CDH13: variants seen among roughly 807,000 people sequenced by gnomAD.
CDH13 encodes cadherin-13.
Under a neutral mutation model 63.8 loss-of-function variants are expected in CDH13, and 24 were observed. The observed-to-expected ratio is 0.38, with a 90% CI of 0.27 to 0.53. CDH13 has a LOEUF of 0.53. Ranked by LOEUF, CDH13 falls within the 20% of genes least tolerant of loss-of-function variation. CDH13 has a pLI of 0.85. For missense variants in CDH13, 1,049 were observed against 903.1 expected (o/e 1.16, Z -2.07); for synonymous variants, 503 against 355.3 (o/e 1.42, Z -4.67).
intron 5 of CDH13, among the ~76,000 whole-genome samples, chr16:83,277,385 C>T (rs191789896): frequency 6.6e-6 from 1 of 152,282 alleles, no homozygotes; most frequent in Admixed American, 6.5e-5. Context: ...TACTCCGAAC[C>T]TACTGAATAA....
Position 83,011,777 on chromosome 16 carries a change from C to T in CDH13, c.158-20233C>T, listed in dbSNP as rs7500228. Reference sequence around the variant, plus strand: ...GCTCTTCAGCAATCGCTATTTTACTCTCCCAAACTTCTACAGCCAAACCCA... The same window carrying T: ...GCTCTTCAGCAATCGCTATTTTACTTTCCCAAACTTCTACAGCCAAACCCA... On this transcript the variant is annotated intron_variant, in intron 2 of 13. Coordinates refer to ENST00000567109, the MANE Select transcript of CDH13 (RefSeq NM_001257.5). 4.2e-3 allele frequency among the ~76,000 whole-genome samples: 642 copies of T among 152,314 alleles called. 20 individuals carry two copies. Among genetic ancestry groups the T allele is most frequent in the Admixed American group, 0.039 (602 of 15,298 alleles).
At chr16:83,683,259 T>C (rs139205501) in intron 10 of CDH13, among the ~76,000 whole-genome samples, 3 of 152,368 alleles carry the variant, frequency 2.0e-5, no homozygotes, top group African/African-American at 7.2e-5. Flanking sequence ...TAGTGACAGA[T>C]GAAATTCTTC....
intron 11 of CDH13, among the ~76,000 whole-genome samples, chr16:83,767,919 G>C (rs1914507839): frequency 6.6e-6 from 1 of 152,150 alleles, no homozygotes; most frequent in Admixed American, 6.5e-5. Context: ...AAAGTAGGTA[G>C]TGGTGATGGT....
intron 3 of CDH13, among the ~76,000 whole-genome samples, chr16:83,088,544 T>G (rs1389469673): frequency 6.6e-6 from 1 of 152,210 alleles, no homozygotes; most frequent in Non-Finnish European, 1.5e-5. Flanking sequence ...TGATACAGCC[T>G]TGGGCAAGCT....
At chr16:83,081,719 GAA>G (rs369385485) in intron 3 of CDH13, among the ~76,000 whole-genome samples, 12 of 151,460 alleles carry the variant, frequency 7.9e-5, no homozygotes, top group African/African-American at 1.5e-4. Context: ...GAGAGAGAGA[GAA>G]AGAGCTCGCA....
intron 5 of CDH13, among the ~76,000 whole-genome samples, chr16:83,335,215 G>A (rs1485398001): frequency 6.6e-6 from 1 of 152,128 alleles, no homozygotes; most frequent in Non-Finnish European, 1.5e-5. Flanking sequence ...TGTGGTTCTT[G>A]AGACATACTT....
In CDH13 at chr16:82,835,679, C is replaced by G. The variant is rs370636504; in HGVS notation, c.46-22683C>G. 2.3e-4 allele frequency among the ~76,000 whole-genome samples: 35 copies of G among 152,312 alleles called. No individual in the cohort carries two copies. In the East Asian group the frequency reaches 6.2e-3, roughly 27 times the overall value. On this transcript the variant is annotated intron_variant, in intron 1 of 13. Transcript: ENST00000567109. ...TCCCTCCACAGGCTTGATCAGCGGCCTCCCTGCTCCTGTTCTCTAGATAGA... is the reference window on the plus strand; with the variant it reads ...TCCCTCCACAGGCTTGATCAGCGGCGTCCCTGCTCCTGTTCTCTAGATAGA...
intron 4 of CDH13, among the ~76,000 whole-genome samples, chr16:83,160,895 T>G (rs964407942): frequency 1.3e-5 from 2 of 152,222 alleles, no homozygotes; most frequent in African/African-American, 4.8e-5. Flanking sequence ...TTATGTCTAA[T>G]TCCTCCAGTA....
chr16:83,225,141 C>G (rs1242915984), intron 5 of CDH13, among the ~76,000 whole-genome samples: 7 of 152,124 alleles, frequency 4.6e-5, no homozygotes, highest in African/African-American at 1.4e-4. Context: ...GCCAGCCCAC[C>G]AGGTCATCCT....
At chr16:83,296,220 A>G (rs917643969) in intron 5 of CDH13, among the ~76,000 whole-genome samples, 1 of 152,132 alleles carries the variant, frequency 6.6e-6, no homozygotes, top group Admixed American at 6.6e-5. Context: ...CTCTGTCCTT[A>G]GTTGCTTTTC....
chr16:83,017,951 G>A (rs1262019189), intron 2 of CDH13, among the ~76,000 whole-genome samples: 1 of 152,272 alleles, frequency 6.6e-6, no homozygotes. Context: ...GAATCAAGTA[G>A]GTTGGGAAAC....
In CDH13 at chr16:83,125,443, T is replaced by G. The variant is rs1211827748; in HGVS notation, c.425T>G (p.Val142Gly). The G allele has an allele frequency of 6.2e-7, 1 of 1,612,518 alleles. No individual in the cohort carries two copies. The highest frequency in any genetic ancestry group is 1.7e-5 in the Admixed American group (1 of 60,006). The change falls in exon 4 of 14, where the codon GTA becomes GGA. Residue 142 changes from valine (V) to glycine (G), a missense_variant. By Grantham distance (109) the Val-to-Gly change is moderately radical. Coordinates refer to ENST00000567109, the MANE Select transcript of CDH13 (RefSeq NM_001257.5). ...PVPRQKRSIV[V>G]SPILIPENQR... ...CCAAGACAAAAGAGGTCCATTGTGG[T>G]ATCTCCCATTTTAATTCCAGAGAAT...
intron 6 of CDH13, among the ~76,000 whole-genome samples, chr16:83,460,745 G>C (rs951881078): frequency 1.3e-5 from 2 of 151,806 alleles, no homozygotes; most frequent in African/African-American, 4.8e-5. Context: ...TGTAAACCCA[G>C]CATTTTGGGA....
chr16:83,220,158 G>A (rs1597542028), intron 5 of CDH13, among the ~76,000 whole-genome samples: 1 of 152,146 alleles, frequency 6.6e-6, no homozygotes, highest in East Asian at 1.9e-4. Context: ...ACTTCAGTTC[G>A]GTCATTGTCC....
intron 5 of CDH13, among the ~76,000 whole-genome samples, chr16:83,337,904 A>G (rs1294634182): frequency 1.3e-5 from 2 of 152,072 alleles, no homozygotes; most frequent in African/African-American, 4.8e-5. Flanking sequence ...AAAGCTACTA[A>G]GTAAATAGCT....
chr16:82,796,831 C>G (rs962809652), intron 1 of CDH13, among the ~76,000 whole-genome samples: 1 of 152,204 alleles, frequency 6.6e-6, no homozygotes, highest in African/African-American at 2.4e-5. Context: ...GGAGCAGCAG[C>G]TCTTTACGTA....
chr16:83,706,884 C>T (rs955201865), intron 10 of CDH13, among the ~76,000 whole-genome samples: 12 of 151,424 alleles, frequency 7.9e-5, no homozygotes, highest in East Asian at 1.9e-4. Context: ...AAACATTGTA[C>T]GCTCCCAGCA....
intron 7 of CDH13, among the ~76,000 whole-genome samples, chr16:83,506,356 G>C (rs1425513552): frequency 6.6e-6 from 1 of 152,128 alleles, no homozygotes. Flanking sequence ...GAATGCTCCT[G>C]ACTCCTGCAC....
chr16:82,923,781 G>C (rs185855867), intron 2 of CDH13, among the ~76,000 whole-genome samples: 1 of 152,034 alleles, frequency 6.6e-6, no homozygotes, highest in African/African-American at 2.4e-5. Context: ...TTTTTTCCTG[G>C]TCTATGATAC....
Sources: allele counts gnomAD v4.1 joint callset (sites outside exome capture counted in the v4.1 genomes callset), GRCh38; gene constraint gnomAD v4.1.1; transcripts MANE v1.5; gene names NCBI Gene and HGNC (gene_info 2026-07-23, HGNC 2026-07-21).